MEMO1: variants seen among roughly 807,000 people sequenced by gnomAD.
MEMO1 encodes the protein protein MEMO1.
MEMO1 carries 6 observed loss-of-function variants against 45.2 expected under a neutral mutation model. That is an observed-to-expected ratio of 0.13 (90% CI 0.07 to 0.26). The LOEUF is 0.26. MEMO1 is among the 10% of genes least tolerant of loss of function. MEMO1 has a pLI of 1.00. For missense variants in MEMO1, 184 were observed against 370.5 expected (o/e 0.50, Z 4.13); for synonymous variants, 78 against 124.3 (o/e 0.63, Z 2.48).
At chr2:31,992,244 T>C (rs1249331310) in intron 2 of MEMO1, among the ~76,000 whole-genome samples, 3 of 152,328 alleles carry the variant, frequency 2.0e-5, no homozygotes, top group Admixed American at 2.0e-4. Flanking sequence ...CATTTTTTTA[T>C]AGATCAAGTT....
At chr2:31,959,118 T>C (rs1667712965) in intron 2 of MEMO1, among the ~76,000 whole-genome samples, 1 of 152,214 alleles carries the variant, frequency 6.6e-6, no homozygotes, top group South Asian at 2.1e-4. Context: ...AAGACTTTGA[T>C]TTTGGACACA....
At chr2:31,931,978 T>G (rs1310045265) in intron 4 of MEMO1, 89 bp downstream of exon 4, 1 of 1,108,732 alleles carries the variant, frequency 9.0e-7, no homozygotes, top group Non-Finnish European at 1.3e-6. Context: ...GAGTACATAA[T>G]AACAATAAGT....
At chr2:31,914,556 G>A (rs1466956456) in intron 6 of MEMO1, among the ~76,000 whole-genome samples, 1 of 152,104 alleles carries the variant, frequency 6.6e-6, no homozygotes, top group African/African-American at 2.4e-5. Context: ...TCTCCATGAT[G>A]TGATTATTTT....
intron 2 of MEMO1, among the ~76,000 whole-genome samples, chr2:31,969,311 T>C (rs535460234): frequency 4.6e-5 from 7 of 150,816 alleles, no homozygotes; most frequent in African/African-American, 1.7e-4. Context: ...TATACACATA[T>C]ATACATGTGT....
Position 31,923,468 on chromosome 2 carries a change from CTA to C in MEMO1, c.213-2560_213-2559del, listed in dbSNP as rs1344152517. On this transcript the variant is annotated intron_variant, in intron 4 of 9. Coordinates refer to ENST00000404530, the MANE Select transcript of MEMO1 (RefSeq NM_001301833.4). ...AACCATTTCAAAAAAAAAGTCAAAT[CTA>C]TAGATTTCTAAATGAAGAAAAACTA... 165 of 682,288 alleles carry C rather than the reference CTA, an allele frequency of 2.4e-4. 1 individual carries two copies. Among genetic ancestry groups the C allele is most frequent in the Admixed American group, 3.0e-4 (7 of 23,210 alleles). The allele number at this position is 682,288 out of a possible 1,614,324, so 42.3% of individuals were successfully genotyped here. A position where few individuals can be genotyped will look rare whatever the true frequency, so the allele number is the denominator to read the frequency against.
chr2:31,923,931 T>C (rs570291952), intron 4 of MEMO1, among the ~76,000 whole-genome samples: 2 of 152,292 alleles, frequency 1.3e-5, no homozygotes, highest in South Asian at 2.1e-4. Flanking sequence ...GTTTGCCTTT[T>C]TGTCTGCCCC....
chr2:31,905,975 A>C (rs966363818), intron 6 of MEMO1, among the ~76,000 whole-genome samples: 1 of 144,246 alleles, frequency 6.9e-6, no homozygotes, highest in African/African-American at 2.5e-5. Context: ...TTTTTTCTTT[A>C]TTTTTTTTTT....
At chr2:31,950,664 T>C (rs1666743027) in intron 2 of MEMO1, among the ~76,000 whole-genome samples, 1 of 149,348 alleles carries the variant, frequency 6.7e-6, no homozygotes. Flanking sequence ...GAGGTTGCAG[T>C]GAGCTGAGAT....
At chr2:31,929,587 A>G (rs1683643042) in intron 4 of MEMO1, among the ~76,000 whole-genome samples, 1 of 152,232 alleles carries the variant, frequency 6.6e-6, no homozygotes, top group Non-Finnish European at 1.5e-5. Context: ...GCTGCTAGTC[A>G]GCATTCTATC....
chr2:31,967,418 C>T (rs1668765556), intron 2 of MEMO1, among the ~76,000 whole-genome samples: 1 of 152,148 alleles, frequency 6.6e-6, no homozygotes, highest in African/African-American at 2.4e-5. Context: ...GCCACCGCGC[C>T]CGGCCAATAG....
At chr2:31,971,029 A>G (rs985972068) in intron 2 of MEMO1, among the ~76,000 whole-genome samples, 2 of 152,188 alleles carry the variant, frequency 1.3e-5, no homozygotes, top group African/African-American at 4.8e-5. Context: ...TATTTCATAT[A>G]ATTACCTACA....
intron 8 of MEMO1, among the ~76,000 whole-genome samples, chr2:31,882,472 T>G (rs146825044): frequency 6.6e-6 from 1 of 152,284 alleles, no homozygotes; most frequent in East Asian, 1.9e-4. Flanking sequence ...GTTTAAAATA[T>G]TAATTCCACT....
intron 2 of MEMO1, among the ~76,000 whole-genome samples, chr2:31,960,539 T>C (rs1667895474): frequency 6.6e-6 from 1 of 152,210 alleles, no homozygotes; most frequent in South Asian, 2.1e-4. Context: ...TAAGATATAA[T>C]AACAAAAGTT....
chr2:31,891,730 A>G (rs1284584002), intron 7 of MEMO1, among the ~76,000 whole-genome samples: 4 of 152,174 alleles, frequency 2.6e-5, no homozygotes, highest in Admixed American at 2.0e-4. Context: ...CTCCCACTAA[A>G]TAAGTGTCTA....
chr2:31,969,589 GTGTGTGTGT>G lies in MEMO1; in HGVS notation c.62-26215_62-26207del, dbSNP rs1669101717. Reference sequence around the variant, plus strand: ...CTTTTCTGGGGGTGTGTGTGTGGGTGTGTGTGTGTGTGTGTGTGTGTGTGTGTGTGTGTG... The same window carrying G: ...CTTTTCTGGGGGTGTGTGTGTGGGTGGTGTGTGTGTGTGTGTGTGTGTGTG... On this transcript the variant is annotated intron_variant, in intron 2 of 9. Coordinates refer to ENST00000404530, the MANE Select transcript of MEMO1 (RefSeq NM_001301833.4). Among the ~76,000 whole-genome samples, 155 of 43,548 alleles carry G rather than the reference GTGTGTGTGT, an allele frequency of 3.6e-3. 1 individual carries two copies. The highest frequency in any genetic ancestry group is 0.01 in the Middle Eastern group (1 of 100). 28.6% of individuals were successfully genotyped at this position (43,548 alleles called of 152,430 possible). A position where few individuals can be genotyped will look rare whatever the true frequency, so the allele number is the denominator to read the frequency against.
rs1186653127 is a variant in MEMO1, at chr2:31,982,025, G to A, written c.61+28162C>T. On this transcript the variant is annotated intron_variant, in intron 2 of 9. Coordinates refer to ENST00000404530, the MANE Select transcript of MEMO1 (RefSeq NM_001301833.4). ...AAATACAAGATACAACTGGCCGGGC[G>A]CGGTGGCTCATGCCTGTAATCCCAA... 4.6e-5 allele frequency among the ~76,000 whole-genome samples: 7 copies of A among 152,312 alleles called. No homozygotes were observed. The South Asian group carries it at 6.2e-4, about 14-fold the overall frequency.
intron 2 of MEMO1, among the ~76,000 whole-genome samples, chr2:31,963,777 G>T (rs1668295285): frequency 6.6e-6 from 1 of 152,074 alleles, no homozygotes; most frequent in Admixed American, 6.6e-5. Flanking sequence ...CAAAAAGCCT[G>T]ACTGATCAGT....
chr2:31,969,584 T>G (rs1005652618), intron 2 of MEMO1, among the ~76,000 whole-genome samples: 10 of 97,796 alleles, frequency 1.0e-4, no homozygotes, highest in Admixed American at 2.4e-4. Flanking sequence ...GGTGTGTGTG[T>G]GGGTGTGTGT....
chr2:31,951,463 T>C (rs1480840691), intron 2 of MEMO1, among the ~76,000 whole-genome samples: 1 of 151,510 alleles, frequency 6.6e-6, no homozygotes, highest in Non-Finnish European at 1.5e-5. Flanking sequence ...TGCTTCTCAC[T>C]ACAATGAAAA....
Sources: allele counts gnomAD v4.1 joint callset (sites outside exome capture counted in the v4.1 genomes callset), GRCh38; gene constraint gnomAD v4.1.1; transcripts MANE v1.5; gene names NCBI Gene and HGNC (gene_info 2026-07-23, HGNC 2026-07-21).